The following ARHGAP32 variants were observed in gnomAD, a reference collection of about 807,000 sequenced individuals.
The protein encoded by ARHGAP32 is Rho GTPase activating protein 32, also known as rho GTPase-activating protein 32.
ARHGAP32 carries 51 observed loss-of-function variants against 186.5 expected under a neutral mutation model. The ratio of observed to expected loss-of-function variants is 0.27; its 90% CI spans 0.22 to 0.35. ARHGAP32 has a LOEUF of 0.35. Among genes scored for constraint, ARHGAP32 ranks in the 10% least tolerant of loss-of-function variants. The probability of loss-of-function intolerance (pLI) is 1.00; values close to 1 mark genes in which losing one functional copy is unlikely to be tolerated. For missense variants in ARHGAP32, 2,186 were observed against 2,623.5 expected, an observed-to-expected ratio of 0.83 and a Z score of 3.64; for synonymous variants, 950 against 964.3, an observed-to-expected ratio of 0.99 and a Z score of 0.27.
chr11:129,199,728 C>A (rs963264313), intron 1 of ARHGAP32, among the ~76,000 whole-genome samples: 1 of 152,226 alleles, frequency 6.6e-6, no homozygotes, highest in East Asian at 1.9e-4. Flanking sequence ...AGCCCCCACA[C>A]AGAGCCCCCA....
intron 1 of ARHGAP32, among the ~76,000 whole-genome samples, chr11:129,277,181 T>C (rs1945541717): frequency 1.3e-5 from 2 of 152,026 alleles, no homozygotes; most frequent in Admixed American, 1.3e-4. Context: ...AACACTTGAA[T>C]AAGTCAAGAG....
chr11:129,044,800 T>C (rs958204136), intron 10 of ARHGAP32, among the ~76,000 whole-genome samples: 1 of 152,156 alleles, frequency 6.6e-6, no homozygotes, highest in African/African-American at 2.4e-5. Flanking sequence ...AGTTTCCTAA[T>C]TTGTAACGTT....
At chr11:129,257,618 A>G (rs993534471) in intron 1 of ARHGAP32, among the ~76,000 whole-genome samples, 1 of 152,046 alleles carries the variant, frequency 6.6e-6, no homozygotes, top group Non-Finnish European at 1.5e-5. Flanking sequence ...TTAAAAATAA[A>G]TAATTCATTA....
intron 1 of ARHGAP32, among the ~76,000 whole-genome samples, chr11:129,229,031 G>C (rs1194683063): frequency 6.6e-6 from 1 of 152,056 alleles, no homozygotes; most frequent in African/African-American, 2.4e-5. Context: ...AGAACAAGGG[G>C]AAAAAAGTTA....
chr11:129,011,153 T>C (rs544165419), intron 11 of ARHGAP32, among the ~76,000 whole-genome samples: 3 of 152,360 alleles, frequency 2.0e-5, no homozygotes, highest in African/African-American at 7.2e-5. Context: ...GCATTTACTT[T>C]ACACTTAGTA....
intron 1 of ARHGAP32, among the ~76,000 whole-genome samples, chr11:129,276,841 G>A (rs1945538033): frequency 1.3e-5 from 2 of 152,150 alleles, no homozygotes; most frequent in African/African-American, 2.4e-5. Context: ...AACAAGCTCA[G>A]AAATGTAAAT....
chr11:129,265,262 C>T (rs1008846717), intron 1 of ARHGAP32, among the ~76,000 whole-genome samples: 3 of 152,178 alleles, frequency 2.0e-5, no homozygotes, highest in Non-Finnish European at 4.4e-5. Flanking sequence ...AACACAAACG[C>T]ACTCAAAGTA....
chr11:129,001,638 T>C (rs1010807682), intron 11 of ARHGAP32, among the ~76,000 whole-genome samples: 22 of 152,342 alleles, frequency 1.4e-4, no homozygotes, highest in Middle Eastern at 3.4e-3. Context: ...TGTCCATTTT[T>C]GCCTTGGTTG....
chr11:129,083,731 C>T (rs1297624407), intron 6 of ARHGAP32, among the ~76,000 whole-genome samples: 1 of 151,980 alleles, frequency 6.6e-6, no homozygotes, highest in Admixed American at 6.6e-5. Context: ...AAAGAAGAAA[C>T]ATCTAATAAC....
At chr11:129,174,274 A>T (rs181426465) in intron 1 of ARHGAP32, among the ~76,000 whole-genome samples, 23 of 152,296 alleles carry the variant, frequency 1.5e-4, no homozygotes, top group East Asian at 7.7e-4. Context: ...TATCCCGCAC[A>T]TGGCTCGGAG....
intron 11 of ARHGAP32, among the ~76,000 whole-genome samples, chr11:129,005,770 T>C (rs1937733008): frequency 6.6e-6 from 1 of 152,208 alleles, no homozygotes; most frequent in African/African-American, 2.4e-5. Context: ...AAACTTCTTG[T>C]GTTTGGATAG....
At position 128,978,810 on chromosome 11, in the gene ARHGAP32, A is replaced by G. The variant is rs151148063; in HGVS notation, c.2082T>C (p.Asn694=). ...CTTTCATCTCTGAAGGCTCACTCTC[A>G]TTCCGCTGCAGCTTTCGTTTAGAAA... is the stretch of plus-strand genomic sequence containing the variant. ...SSVSKRKLQR[N]ESEPSEMKAM... Residue 694 remains asparagine (N), a synonymous_variant, in exon 19 of 23, where the codon AAT becomes AAC. Transcript: ENST00000682385. 3 of 1,613,174 alleles carry G rather than the reference A, an allele frequency of 1.9e-6. No individual in the cohort carries two copies. In the South Asian group the frequency reaches 3.3e-5, roughly 18 times the overall value.
At chr11:129,091,055 C>A (rs1026043618) in intron 6 of ARHGAP32, among the ~76,000 whole-genome samples, 2 of 152,034 alleles carry the variant, frequency 1.3e-5, no homozygotes, top group Admixed American at 1.3e-4. Context: ...ATCTGCAGCA[C>A]GACATGTAAT....
At chr11:129,124,034 T>C (rs1320534873) in intron 3 of ARHGAP32, 105 bp from the exon 4 acceptor site, 26 of 751,602 alleles carry the variant, frequency 3.5e-5, no homozygotes, top group Non-Finnish European at 4.1e-5. Flanking sequence ...TCTTTAAAAC[T>C]GATTACTTTC....
intron 5 of ARHGAP32, among the ~76,000 whole-genome samples, chr11:129,113,433 G>A (rs964850125): frequency 1.3e-5 from 2 of 152,044 alleles, no homozygotes; most frequent in Non-Finnish European, 2.9e-5. Context: ...ACCATGTTCA[G>A]TCTGTGTTTA....
intron 6 of ARHGAP32, among the ~76,000 whole-genome samples, chr11:129,091,257 A>C (rs1016641433): frequency 1.1e-4 from 16 of 152,104 alleles, no homozygotes; most frequent in Admixed American, 6.5e-5. Context: ...CAGCTGTTTA[A>C]ATATTTTTAC....
intron 5 of ARHGAP32, among the ~76,000 whole-genome samples, chr11:129,114,710 T>G (rs1942315860): frequency 6.6e-6 from 1 of 152,126 alleles, no homozygotes; most frequent in Admixed American, 6.6e-5. Context: ...AATATTTCAG[T>G]CCTTCATCTA....
At chr11:129,087,277 C>T (rs182031405) in intron 6 of ARHGAP32, among the ~76,000 whole-genome samples, 1 of 152,216 alleles carries the variant, frequency 6.6e-6, no homozygotes, top group Non-Finnish European at 1.5e-5. Flanking sequence ...TATGTCCACA[C>T]AGAAACCTGC....
intron 9 of ARHGAP32, 92 bp from the exon 10 acceptor site, chr11:129,062,449 G>A: frequency 5.7e-6 from 6 of 1,046,828 alleles, no homozygotes; most frequent in Non-Finnish European, 8.7e-6. Flanking sequence ...GTATGAAAAG[G>A]TAAAGTACTA....
Sources: gnomAD v4.1 joint callset for allele counts (sites outside exome capture counted in the v4.1 genomes callset) on GRCh38, gnomAD v4.1.1 for gene constraint, MANE v1.5 for transcripts, NCBI Gene and HGNC (gene_info 2026-07-23, HGNC 2026-07-21) for gene names.